MYLK: variants seen among roughly 807,000 people sequenced by gnomAD.
The protein encoded by MYLK is myosin light chain kinase, smooth muscle.
A neutral mutation model predicts 203.4 loss-of-function variants in MYLK; 106 were observed. The ratio of observed to expected loss-of-function variants is 0.52; its 90% CI spans 0.45 to 0.61. The LOEUF is 0.61. Among genes scored for constraint, MYLK ranks in the 20% least tolerant of loss-of-function variants. The probability of loss-of-function intolerance (pLI) is 0.00; values close to 1 mark genes in which losing one functional copy is unlikely to be tolerated. For missense variants in MYLK, 2,072 were observed against 2,442.3 expected (o/e 0.85, Z 3.20); for synonymous variants, 867 against 959.5 (o/e 0.90, Z 1.78).
intron 13 of MYLK, among the ~76,000 whole-genome samples, chr3:123,713,369 G>A (rs1332571926): frequency 2.0e-5 from 3 of 152,126 alleles, no homozygotes; most frequent in Non-Finnish European, 4.4e-5. Flanking sequence ...GGGCCAGTGT[G>A]GGCAGACCCA....
At chr3:123,827,716 T>TAC (rs1455555926) in intron 3 of MYLK, among the ~76,000 whole-genome samples, 5 of 87,350 alleles carry the variant, frequency 5.7e-5, no homozygotes, top group Admixed American at 1.4e-4. Flanking sequence ...TATATATATA[T>TAC]ATATATATAT....
At chr3:123,804,109 G>A (rs934785943) in intron 3 of MYLK, among the ~76,000 whole-genome samples, 3 of 152,168 alleles carry the variant, frequency 2.0e-5, no homozygotes, top group African/African-American at 7.2e-5. Context: ...GCAGGATGTT[G>A]GGGAGTATCA....
chr3:123,701,400 G>A (rs2061216933), intron 17 of MYLK, 38 bp downstream of exon 17: 10 of 1,604,480 alleles, frequency 6.2e-6, no homozygotes, highest in African/African-American at 1.3e-5. Flanking sequence ...GTGGGGATGG[G>A]GGCATGGCCT....
chr3:123,708,257 G>T (rs1260605710), intron 15 of MYLK, among the ~76,000 whole-genome samples: 1 of 152,184 alleles, frequency 6.6e-6, no homozygotes, highest in African/African-American at 2.4e-5. Context: ...AAGGCACGGG[G>T]CACCGAGCCA....
chr3:123,690,993 G>C (rs1051423746), intron 19 of MYLK, among the ~76,000 whole-genome samples: 1 of 152,168 alleles, frequency 6.6e-6, no homozygotes, highest in African/African-American at 2.4e-5. Context: ...AGTGTATTCA[G>C]TAGGGGAAAA....
chr3:123,811,505 A>G lies in MYLK; in HGVS notation c.-3-17661T>C, dbSNP rs2065560141. Among the ~76,000 whole-genome samples the G allele has an allele frequency of 3.3e-5, 5 of 152,192 alleles. No homozygotes were observed. The South Asian group carries it at 1.0e-3, about 32-fold the overall frequency. On this transcript the variant is annotated intron_variant, in intron 3 of 33. Coordinates refer to ENST00000360304, the MANE Select transcript of MYLK (RefSeq NM_053025.4). ...TGGAAAATTAAAAAGCTAATGGGGC[A>G]TTGACCTGTTCAAAGGCCCTAAAAC...
chr3:123,632,753 T>A (rs1213620219), intron 29 of MYLK, among the ~76,000 whole-genome samples: 1 of 152,106 alleles, frequency 6.6e-6, no homozygotes, highest in African/African-American at 2.4e-5. Context: ...AAAAACCTTT[T>A]TGGGGAACTT....
At chr3:123,735,443 A>T (rs1375468194) in intron 8 of MYLK, 27 bp from the exon 9 acceptor site, 1 of 1,613,856 alleles carries the variant, frequency 6.2e-7, no homozygotes, top group Non-Finnish European at 8.5e-7. Context: ...GGGTGGAAAG[A>T]CTGTTAGTAG....
chr3:123,670,034 C>CAAAAAAAAA (rs57445681), intron 20 of MYLK, among the ~76,000 whole-genome samples: 11 of 36,926 alleles, frequency 3.0e-4, no homozygotes, highest in East Asian at 5.8e-4. Flanking sequence ...GACTCCATCT[C>CAAAAAAAAA]AAAAAAAAAA....
At chr3:123,821,875 C>G (rs1301793120) in intron 3 of MYLK, among the ~76,000 whole-genome samples, 1 of 152,252 alleles carries the variant, frequency 6.6e-6, no homozygotes, top group African/African-American at 2.4e-5. Context: ...TTGAATGTGT[C>G]CCCCAGAATT....
intron 20 of MYLK, among the ~76,000 whole-genome samples, chr3:123,670,602 A>C (rs2059883867): frequency 6.6e-6 from 1 of 152,100 alleles, no homozygotes; most frequent in Non-Finnish European, 1.5e-5. Context: ...AAAAAATAAT[A>C]AAAACAGCCA....
chr3:123,826,301 G>A (rs1335435160), intron 3 of MYLK, among the ~76,000 whole-genome samples: 6 of 152,208 alleles, frequency 3.9e-5, no homozygotes, highest in Non-Finnish European at 8.8e-5. Context: ...TCTTGCACCT[G>A]CATCCTGGGC....
intron 30 of MYLK, among the ~76,000 whole-genome samples, chr3:123,627,216 G>A (rs1227758266): frequency 1.3e-5 from 2 of 152,232 alleles, no homozygotes; most frequent in African/African-American, 4.8e-5. Flanking sequence ...TTGGGATCGA[G>A]GAAGAGTAAG....
chr3:123,786,597 A>G (rs1172138853), intron 4 of MYLK, among the ~76,000 whole-genome samples: 1 of 152,102 alleles, frequency 6.6e-6, no homozygotes, highest in Non-Finnish European at 1.5e-5. Flanking sequence ...ATTCGATAGC[A>G]CAACAGGGTA....
intron 2 of MYLK, among the ~76,000 whole-genome samples, chr3:123,840,875 G>A (rs1318221876): frequency 2.0e-5 from 3 of 151,150 alleles, no homozygotes; most frequent in Non-Finnish European, 3.0e-5. Context: ...CTGGGCAACT[G>A]CTTTAGTCTG....
chr3:123,847,673 G>C (rs549930479), intron 2 of MYLK, among the ~76,000 whole-genome samples: 111 of 151,976 alleles, frequency 7.3e-4, no homozygotes, highest in Middle Eastern at 3.4e-3. Context: ...ATAGATTATA[G>C]GCATTATTAA....
intron 30 of MYLK, among the ~76,000 whole-genome samples, chr3:123,627,252 T>A (rs2058192907): frequency 6.6e-6 from 1 of 152,184 alleles, no homozygotes; most frequent in Non-Finnish European, 1.5e-5. Flanking sequence ...GTTTCTGGGA[T>A]TGGCTGGCAC....
intron 4 of MYLK, 144 bp downstream of exon 4, chr3:123,793,533 G>A (rs2064866687): frequency 4.7e-6 from 4 of 857,128 alleles, no homozygotes; most frequent in Non-Finnish European, 7.1e-6. Context: ...AAAGAGAAAA[G>A]TGGCACAGGT....
chr3:123,653,308 G>A (rs987284569), intron 24 of MYLK, among the ~76,000 whole-genome samples: 2 of 152,116 alleles, frequency 1.3e-5, no homozygotes, highest in African/African-American at 4.8e-5. Context: ...TTCAGCAGAG[G>A]GATGGCCTAT....
Sources: allele counts gnomAD v4.1 joint callset (sites outside exome capture counted in the v4.1 genomes callset), GRCh38; gene constraint gnomAD v4.1.1; transcripts MANE v1.5; gene names NCBI Gene and HGNC (gene_info 2026-07-23, HGNC 2026-07-21).